Variants in KAZN observed in about 807,000 individuals in gnomAD.
KAZN encodes the protein kazrin, periplakin interacting protein.
Under a neutral mutation model 87.4 loss-of-function variants are expected in KAZN, and 40 were observed. The ratio of observed to expected loss-of-function variants is 0.46; its 90% confidence interval spans 0.36 to 0.60. The LOEUF (loss-of-function observed/expected upper bound fraction) is 0.60. Among genes scored for constraint, KAZN ranks in the 20% least tolerant of loss-of-function variants. The pLI, the probability that KAZN is intolerant of heterozygous loss-of-function variation, is 0.00. For synonymous variants in KAZN, 466 were observed against 458.3 expected, an observed-to-expected ratio of 1.02 and a Z score of -0.22; for missense variants, 898 against 1,073.9, an observed-to-expected ratio of 0.84 and a Z score of 2.29.
intron 2 of KAZN, among the ~76,000 whole-genome samples, chr1:14,440,845 G>T (rs536494916): frequency 1.3e-5 from 2 of 152,158 alleles, no homozygotes; most frequent in Admixed American, 6.5e-5. Context: ...CAGGTGTCCA[G>T]GTCTATGACT....
At chr1:14,699,471 G>A (rs1352308985) in intron 1 of KAZN, among the ~76,000 whole-genome samples, 1 of 152,216 alleles carries the variant, frequency 6.6e-6, no homozygotes, top group African/African-American at 2.4e-5. Context: ...ATGGTGAGTG[G>A]AAGCTGACTG....
intron 2 of KAZN, among the ~76,000 whole-genome samples, chr1:14,470,650 T>G (rs967627504): frequency 5.3e-5 from 8 of 152,236 alleles, no homozygotes; most frequent in African/African-American, 1.9e-4. Flanking sequence ...CTTTCTCTGT[T>G]GAGCAGAGTT....
At chr1:14,167,700 G>C (rs183558426) in intron 1 of KAZN, among the ~76,000 whole-genome samples, 1 of 151,958 alleles carries the variant, frequency 6.6e-6, no homozygotes, top group Non-Finnish European at 1.5e-5. Flanking sequence ...TCCAGCCTGC[G>C]TAAAAGAGAG....
At chr1:15,113,621 T>A (rs1156947048) in intron 14 of KAZN, 1 of 152,192 alleles carries the variant, frequency 6.6e-6, no homozygotes, top group Non-Finnish European at 1.5e-5. Flanking sequence ...CATCAAGGAC[T>A]TACTCGGTGC....
chr1:14,481,308 G>A (rs1669069938), intron 2 of KAZN, among the ~76,000 whole-genome samples: 1 of 152,078 alleles, frequency 6.6e-6, no homozygotes, highest in Non-Finnish European at 1.5e-5. Flanking sequence ...ATATGAAAAA[G>A]CTTTTAAAGC....
chr1:14,439,974 C>G (rs1666607440), intron 2 of KAZN, among the ~76,000 whole-genome samples: 1 of 152,184 alleles, frequency 6.6e-6, no homozygotes, highest in South Asian at 2.1e-4. Flanking sequence ...CCACCCCCAT[C>G]TACTCCCAAC....
At chr1:14,305,673 C>G (rs549087056) in intron 2 of KAZN, among the ~76,000 whole-genome samples, 8 of 147,752 alleles carry the variant, frequency 5.4e-5, no homozygotes, top group African/African-American at 2.0e-4. Flanking sequence ...TTTTTGTTTT[C>G]TTTTTTTTTA....
intron 2 of KAZN, among the ~76,000 whole-genome samples, chr1:14,966,662 AT>A (rs1664486309): frequency 6.6e-6 from 1 of 151,926 alleles, no homozygotes; most frequent in Non-Finnish European, 1.5e-5. Context: ...TGAAATGGGT[AT>A]TTTACCCACG....
intron 1 of KAZN, among the ~76,000 whole-genome samples, chr1:14,688,341 A>G (rs1249792324): frequency 6.6e-6 from 1 of 152,208 alleles, no homozygotes; most frequent in African/African-American, 2.4e-5. Context: ...TGGCCTCTCA[A>G]GTTCTTCCAG....
chr1:13,999,134 G>A (rs12753900), intron 1 of KAZN, among the ~76,000 whole-genome samples: 21,441 of 152,116 alleles, frequency 0.14, 1,619 homozygotes, highest in Middle Eastern at 0.22. Context: ...TGGATCTTCA[G>A]GTCAGGAGTT....
chr1:14,481,809 T>C (rs1669100639), intron 2 of KAZN, among the ~76,000 whole-genome samples: 1 of 152,166 alleles, frequency 6.6e-6, no homozygotes, highest in Non-Finnish European at 1.5e-5. Context: ...ATGCTGGAGA[T>C]GCCTGTGAAG....
intron 1 of KAZN, among the ~76,000 whole-genome samples, chr1:14,092,560 CACAT>C (rs1237708706): frequency 2.4e-5 from 3 of 125,850 alleles, no homozygotes; most frequent in Non-Finnish European, 5.7e-5. Flanking sequence ...TACATATACA[CACAT>C]ATATACATAT....
upstream of KAZN, among the ~76,000 whole-genome samples, chr1:14,596,099 C>T (rs1475679942): frequency 6.6e-6 from 1 of 152,132 alleles, no homozygotes; most frequent in East Asian, 1.9e-4. Flanking sequence ...GTTTACTACA[C>T]AAACACACTC....
intron 2 of KAZN, among the ~76,000 whole-genome samples, chr1:14,209,895 G>A (rs1178342495): frequency 1.3e-5 from 2 of 152,070 alleles, no homozygotes; most frequent in African/African-American, 2.4e-5. Flanking sequence ...CCTTCCAGAC[G>A]AGCTGCTACT....
chr1:14,911,309 G>A (rs1293900764), intron 1 of KAZN, among the ~76,000 whole-genome samples: 8 of 152,228 alleles, frequency 5.3e-5, no homozygotes. Flanking sequence ...AATGTTTGTA[G>A]GATGATGAAA....
intron 2 of KAZN, among the ~76,000 whole-genome samples, chr1:14,468,551 C>T (rs1052294132): frequency 2.0e-5 from 3 of 152,170 alleles, no homozygotes; most frequent in Non-Finnish European, 2.9e-5. Flanking sequence ...GTGCTACCTA[C>T]GTCATATTGC....
chr1:14,197,152 A>G (rs1222424624), intron 2 of KAZN, among the ~76,000 whole-genome samples: 1 of 152,036 alleles, frequency 6.6e-6, no homozygotes, highest in Non-Finnish European at 1.5e-5. Flanking sequence ...TGTTTTACCA[A>G]GGGGCAGATC....
At chr1:14,582,395 A>G (rs1675610263) in intron 2 of KAZN, among the ~76,000 whole-genome samples, 1 of 152,168 alleles carries the variant, frequency 6.6e-6, no homozygotes, top group South Asian at 2.1e-4. Context: ...CTCTTCCTCT[A>G]CACAATGAGA....
chr1:14,720,875 C>CTT (rs1287886574), intron 1 of KAZN, among the ~76,000 whole-genome samples: 1 of 152,178 alleles, frequency 6.6e-6, no homozygotes, highest in African/African-American at 2.4e-5. Flanking sequence ...CCTGACCTTC[C>CTT]TTGCCACTTT....
Sources: gnomAD v4.1 joint callset for allele counts (sites outside exome capture counted in the v4.1 genomes callset) on GRCh38, gnomAD v4.1.1 for gene constraint, MANE v1.5 for transcripts, NCBI Gene and HGNC (gene_info 2026-07-23, HGNC 2026-07-21) for gene names.